The following SMYD3 variants were observed in gnomAD, a reference collection of about 807,000 sequenced individuals.
SMYD3 encodes the protein histone-lysine N-methyltransferase SMYD3.
SMYD3 carries 36 observed loss-of-function variants against 57.7 expected under a neutral mutation model. The ratio of observed to expected loss-of-function variants is 0.62; its 90% CI spans 0.48 to 0.82. SMYD3 has a LOEUF of 0.82. Ranked by LOEUF, SMYD3 falls within the 40% of genes least tolerant of loss-of-function variation. The pLI is 0.00. For synonymous variants in SMYD3, 211 were observed against 195.0 expected (o/e 1.08, Z -0.68); for missense variants, 515 against 538.8 (o/e 0.96, Z 0.44).
chr1:245,974,484 C>T (rs1388150566), intron 5 of SMYD3, among the ~76,000 whole-genome samples: 7 of 150,550 alleles, frequency 4.6e-5, no homozygotes, highest in Admixed American at 1.3e-4. Flanking sequence ...CGTCTCCGGC[C>T]CAGGGAAAGC....
At chr1:245,881,152 C>T (rs2052758850) in intron 8 of SMYD3, among the ~76,000 whole-genome samples, 1 of 152,192 alleles carries the variant, frequency 6.6e-6, no homozygotes, top group South Asian at 2.1e-4. Flanking sequence ...AGAAAACTCA[C>T]ATATCTAAGT....
At chr1:246,474,241 C>T (rs955924316) in intron 1 of SMYD3, among the ~76,000 whole-genome samples, 6 of 152,106 alleles carry the variant, frequency 3.9e-5, no homozygotes, top group Non-Finnish European at 7.4e-5. Flanking sequence ...AGAAGTGGGC[C>T]GGGCGCGGTG....
chr1:246,507,234 C>G lies in SMYD3; in HGVS notation c.-17G>C. The G allele has an allele frequency of 6.6e-7, 1 of 1,507,682 alleles. No individual in the cohort carries two copies. The allele number at this position is 1,507,682 out of a possible 1,614,324, so 93.4% of individuals were successfully genotyped here. A position where few individuals can be genotyped will look rare whatever the true frequency, so the allele number is the denominator to read the frequency against. ...CGGCTCCATCCTCCCGCAGCTCCGG[C>G]ACCTCAGACGGCTACCCGCGTCCAG... On this transcript the variant is annotated 5_prime_UTR_variant, in exon 1 of 12. Transcript: ENST00000490107.
chr1:245,914,108 TGAAA>T, intron 8 of SMYD3, among the ~76,000 whole-genome samples: 1 of 152,238 alleles, frequency 6.6e-6, no homozygotes, highest in African/African-American at 2.4e-5. Flanking sequence ...ACCAAGGAGG[TGAAA>T]GGCCTCTACA....
intron 2 of SMYD3, among the ~76,000 whole-genome samples, chr1:246,350,264 G>A (rs2065802161): frequency 6.6e-6 from 1 of 152,164 alleles, no homozygotes; most frequent in Non-Finnish European, 1.5e-5. Flanking sequence ...CTCCATAACA[G>A]AAGCTTTATC....
chr1:245,885,397 A>G (rs2053034152), intron 8 of SMYD3, among the ~76,000 whole-genome samples: 1 of 152,144 alleles, frequency 6.6e-6, no homozygotes, highest in Non-Finnish European at 1.5e-5. Context: ...AGCTGCCAGC[A>G]TTCACCCCTG....
intron 5 of SMYD3, among the ~76,000 whole-genome samples, chr1:245,944,935 T>C (rs2057382423): frequency 6.6e-6 from 1 of 152,174 alleles, no homozygotes. Flanking sequence ...GCTAGCCATA[T>C]GCAGAAAACT....
At chr1:245,938,390 G>A (rs1042969325) in intron 5 of SMYD3, among the ~76,000 whole-genome samples, 2 of 152,286 alleles carry the variant, frequency 1.3e-5, no homozygotes, top group Non-Finnish European at 1.5e-5. Flanking sequence ...GATACAGCCC[G>A]ATAACCTAGT....
chr1:246,348,004 C>G (rs1191782733), intron 2 of SMYD3, among the ~76,000 whole-genome samples: 2 of 143,980 alleles, frequency 1.4e-5, no homozygotes, highest in African/African-American at 5.1e-5. Flanking sequence ...TTCACAATAG[C>G]AAAGACAGGG....
chr1:245,957,621 T>G (rs1158814876), intron 5 of SMYD3, among the ~76,000 whole-genome samples: 6 of 144,008 alleles, frequency 4.2e-5, no homozygotes, highest in Non-Finnish European at 7.5e-5. Context: ...TCAGGATATA[T>G]TGTGTCTATA....
intron 1 of SMYD3, among the ~76,000 whole-genome samples, chr1:246,487,174 A>G (rs770572291): frequency 6.7e-6 from 1 of 149,336 alleles, no homozygotes; most frequent in Non-Finnish European, 1.5e-5. Context: ...ATGGTTGGGC[A>G]TGGTAGCTCA....
chr1:246,135,678 C>T (rs2061656110), intron 5 of SMYD3, among the ~76,000 whole-genome samples: 2 of 151,988 alleles, frequency 1.3e-5, no homozygotes, highest in African/African-American at 4.8e-5. Flanking sequence ...ACAATGTATA[C>T]ATATTATATA....
chr1:246,422,266 AG>A (rs1298508144), intron 1 of SMYD3, among the ~76,000 whole-genome samples: 1 of 152,186 alleles, frequency 6.6e-6, no homozygotes, highest in African/African-American at 2.4e-5. Context: ...AGGCCTTGTT[AG>A]GATCTTGTTT....
chr1:246,348,996 C>T (rs1430629229), intron 2 of SMYD3, among the ~76,000 whole-genome samples: 4 of 151,978 alleles, frequency 2.6e-5, no homozygotes, highest in Admixed American at 6.6e-5. Context: ...TGTGGAATTA[C>T]CCTTCAAAAG....
intron 5 of SMYD3, among the ~76,000 whole-genome samples, chr1:246,152,203 C>T (rs1393756764): frequency 6.6e-6 from 1 of 152,106 alleles, no homozygotes; most frequent in Non-Finnish European, 1.5e-5. Flanking sequence ...AGCCCACATC[C>T]AGAGGAGAGA....
intron 5 of SMYD3, among the ~76,000 whole-genome samples, chr1:246,307,456 G>A (rs2065001418): frequency 8.4e-6 from 1 of 118,712 alleles, no homozygotes; most frequent in Non-Finnish European, 1.6e-5. Context: ...GTCTCGCTCT[G>A]TCGCCCAGGC....
chr1:246,010,972 C>T (rs1403183191), intron 5 of SMYD3, among the ~76,000 whole-genome samples: 1 of 152,316 alleles, frequency 6.6e-6, no homozygotes, highest in East Asian at 1.9e-4. Flanking sequence ...TCCAGAGTCA[C>T]AGGGTTTGAA....
intron 1 of SMYD3, among the ~76,000 whole-genome samples, chr1:246,441,560 C>CA (rs1458401080): frequency 1.3e-5 from 2 of 152,072 alleles, no homozygotes; most frequent in Non-Finnish European, 2.9e-5. Context: ...GAAACAAGGA[C>CA]AAAAAATGCC....
At chr1:246,148,131 G>C (rs1450845153) in intron 5 of SMYD3, among the ~76,000 whole-genome samples, 1 of 152,142 alleles carries the variant, frequency 6.6e-6, no homozygotes, top group East Asian at 1.9e-4. Context: ...TCCGGGACCG[G>C]AGTGGGGACT....
Sources: gnomAD v4.1 joint callset for allele counts (sites outside exome capture counted in the v4.1 genomes callset) on GRCh38, gnomAD v4.1.1 for gene constraint, MANE v1.5 for transcripts, NCBI Gene and HGNC (gene_info 2026-07-23, HGNC 2026-07-21) for gene names.